Variants in CCSAP observed in about 807,000 individuals in gnomAD.
CCSAP encodes the protein centriole, cilia and spindle-associated protein.
In CCSAP, 17 loss-of-function variants were observed where a neutral mutation model predicts 25.9. That is an observed-to-expected ratio of 0.66 (90% CI 0.45 to 0.99). The LOEUF is 0.99. Ranked by LOEUF, CCSAP falls within the 50% of genes least tolerant of loss-of-function variation. The pLI is 0.00. For missense variants in CCSAP, 339 were observed against 367.8 expected (o/e 0.92, Z 0.64); for synonymous variants, 169 against 157.1 (o/e 1.08, Z -0.57).
intron 2 of CCSAP, among the ~76,000 whole-genome samples, chr1:229,328,024 C>A (rs183269964): frequency 1.3e-5 from 2 of 152,286 alleles, no homozygotes; most frequent in Admixed American, 6.5e-5. Context: ...CTAAGGGGAA[C>A]CTCAGATAGC....
At position 229,323,677 on chromosome 1, in the gene CCSAP, A is replaced by G. The variant is rs1657877330; in HGVS notation, c.*1558T>C. 6.6e-6 allele frequency: 1 copy of G among 152,254 alleles called. No individual in the cohort carries two copies. The highest frequency in any genetic ancestry group is 1.5e-5 in the Non-Finnish European group (1 of 68,046). 9.4% of individuals were successfully genotyped at this position (152,254 alleles called of 1,614,324 possible). On this transcript the variant is annotated 3_prime_UTR_variant, in exon 4 of 4. Transcript: ENST00000284617. The stretch of plus-strand genomic sequence containing the variant: ...GAGAGATCTGTAAGGAAACAAATTC[A>G]CCTCAAAACTATGCAAATATTTAAA...
chr1:229,336,208 T>A (rs1005532937), intron 2 of CCSAP, among the ~76,000 whole-genome samples: 2 of 150,658 alleles, frequency 1.3e-5, no homozygotes, highest in Non-Finnish European at 2.9e-5. Flanking sequence ...ATTTTCAAGG[T>A]AATTTTGTTA....
rs192740107 is a variant in CCSAP, at chr1:229,324,033, C to T, written c.*1202G>A. The T allele has an allele frequency of 6.5e-6, 1 of 152,724 alleles. No individual in the cohort carries two copies. Among genetic ancestry groups the T allele is most frequent in the Middle Eastern group, 3.4e-3 (1 of 294 alleles). The allele number at this position is 152,724 out of a possible 1,614,324, so 9.5% of individuals were successfully genotyped here. On this transcript the variant is annotated 3_prime_UTR_variant, in exon 4 of 4. Coordinates refer to ENST00000284617, the MANE Select transcript of CCSAP (RefSeq NM_145257.5). ...TAAAACCATTTTTCTACCCCCAAAG[C>T]AAACATACTAAAGAGAAGGAGCACT...
chr1:229,342,593 C>A lies in CCSAP; in HGVS notation c.-48-80G>T. 1.7e-6 allele frequency: 1 copy of A among 586,170 alleles called. No individual in the cohort carries two copies. The highest frequency in any genetic ancestry group is 2.5e-6 in the Non-Finnish European group (1 of 400,500). The allele number at this position is 586,170 out of a possible 1,614,324, so 36.3% of individuals were successfully genotyped here. On this transcript the variant is annotated intron_variant, in intron 1 of 3. Transcript: ENST00000284617. The surrounding 1 kb of genome is among the most constrained non-coding windows in gnomAD (Gnocchi z 7.5). ...CCGCCGCGACGTTTAAACCCGGAGCCCCGCCCGGACGGGAGCAGGGGGCGG... is the reference window on the plus strand; with the variant it reads ...CCGCCGCGACGTTTAAACCCGGAGCACCGCCCGGACGGGAGCAGGGGGCGG...
At chr1:229,328,280 GCT>G (rs1657993206) in intron 2 of CCSAP, among the ~76,000 whole-genome samples, 1 of 151,976 alleles carries the variant, frequency 6.6e-6, no homozygotes, top group Non-Finnish European at 1.5e-5. Flanking sequence ...CCAGAGTTTT[GCT>G]CTCAGTCATG....
At chr1:229,334,291 T>C (rs556672708) in intron 2 of CCSAP, among the ~76,000 whole-genome samples, 1 of 152,342 alleles carries the variant, frequency 6.6e-6, no homozygotes, top group East Asian at 1.9e-4. Flanking sequence ...GGCTGGAATA[T>C]ATGTTTTCTT....
intron 2 of CCSAP, among the ~76,000 whole-genome samples, chr1:229,330,802 G>A (rs975609982): frequency 2.7e-5 from 4 of 148,944 alleles, no homozygotes; most frequent in African/African-American, 1.0e-4. Flanking sequence ...CCGAGATCGT[G>A]CCACTGCACT....
At chr1:229,330,372 G>T (rs1274762928) in intron 2 of CCSAP, among the ~76,000 whole-genome samples, 1 of 152,190 alleles carries the variant, frequency 6.6e-6, no homozygotes, top group East Asian at 1.9e-4. Flanking sequence ...CTCCTGGTGT[G>T]GACCAAGTCA....
chr1:229,342,155 TG>T lies in CCSAP; in HGVS notation c.310del (p.Gln104ArgfsTer23). ...CTCCGCGTCCCCGGCCTCCGCGTCC[TG>T]CTCCTCCGGGGCCCCGCGCGCCCGC... The part of the protein sequence containing the change: ...ERRARGAPEE[Q>X]DAEAGDAEAE... On this transcript the variant is annotated frameshift_variant, in exon 2 of 4. Transcript: ENST00000284617. LOFTEE classifies it high-confidence loss of function. The surrounding 1 kb of genome is among the most constrained non-coding windows in gnomAD (Gnocchi z 7.5). 1 of 1,317,242 alleles carries T rather than the reference TG, an allele frequency of 7.6e-7. No individual in the cohort carries two copies. 81.6% of individuals were successfully genotyped at this position (1,317,242 alleles called of 1,614,324 possible).
At chr1:229,333,426 C>CCG (rs1658127447) in intron 2 of CCSAP, among the ~76,000 whole-genome samples, 1 of 111,326 alleles carries the variant, frequency 9.0e-6, no homozygotes, top group South Asian at 3.2e-4. Flanking sequence ...GAGCGAGACT[C>CCG]CATCGAAAAA....
chr1:229,337,678 A>AAAAAATATAT lies in CCSAP; in HGVS notation c.367+4420_367+4421insATATATTTTT. On this transcript the variant is annotated intron_variant, in intron 2 of 3. Transcript: ENST00000284617. Reference sequence around the variant, plus strand: ...GAACAAGATCAAAGGCTCAAAAAAAAATATATATATATATATATATACACA... The same window carrying AAAAAATATAT: ...GAACAAGATCAAAGGCTCAAAAAAAAAAAAATATATATATATATATATATATATATACACA... Among the ~76,000 whole-genome samples the AAAAAATATAT allele has an allele frequency of 5.8e-3, 379 of 65,472 alleles. 10 individuals carry two copies. The highest frequency in any genetic ancestry group is 7.9e-3 in the Non-Finnish European group (256 of 32,470). 43.0% of individuals were successfully genotyped at this position (65,472 alleles called of 152,430 possible).
chr1:229,333,431 G>GA (rs368401348), intron 2 of CCSAP, among the ~76,000 whole-genome samples: 2,599 of 69,852 alleles, frequency 0.037, 93 homozygotes, highest in East Asian at 0.098. Flanking sequence ...AGACTCCATC[G>GA]AAAAAAAAAA....
At chr1:229,333,236 T>G (rs902150003) in intron 2 of CCSAP, among the ~76,000 whole-genome samples, 6 of 151,588 alleles carry the variant, frequency 4.0e-5, no homozygotes, top group African/African-American at 1.5e-4. Flanking sequence ...ATAGAGACCA[T>G]CCTGGGTAAC....
In CCSAP at chr1:229,342,555, C is replaced by A; in HGVS notation, c.-48-42G>T. 1.1e-6 allele frequency: 1 copy of A among 893,390 alleles called. No homozygotes were observed. The highest frequency in any genetic ancestry group is 1.5e-6 in the Non-Finnish European group (1 of 677,080). 55.3% of individuals were successfully genotyped at this position (893,390 alleles called of 1,614,324 possible). A position where few individuals can be genotyped will look rare whatever the true frequency, so the allele number is the denominator to read the frequency against. ...ACGACACAGAGGCCGCCCCGCCCCT[C>A]CGCCGGCCCTGCCCGCCGCGACGTT... On this transcript the variant is annotated intron_variant, in intron 1 of 3. Coordinates refer to ENST00000284617, the MANE Select transcript of CCSAP (RefSeq NM_145257.5). The surrounding 1 kb of genome is among the most constrained non-coding windows in gnomAD (Gnocchi z 7.5).
chr1:229,339,765 G>A (rs952795478), intron 2 of CCSAP, among the ~76,000 whole-genome samples: 2 of 152,150 alleles, frequency 1.3e-5, no homozygotes, highest in African/African-American at 2.4e-5. Context: ...AAAGAAAAAA[G>A]GGAATCATGG....
intron 2 of CCSAP, among the ~76,000 whole-genome samples, chr1:229,334,089 G>A (rs1194474183): frequency 6.6e-6 from 1 of 151,032 alleles, no homozygotes; most frequent in Non-Finnish European, 1.5e-5. Flanking sequence ...TGTTTGTTTT[G>A]AGAAACAGTC....
rs989745878 is a variant in CCSAP at position 229,324,039 on chromosome 1, T to C, written c.*1196A>G. 4 of 152,578 alleles carry C rather than the reference T, an allele frequency of 2.6e-5. No homozygotes were observed. The highest frequency in any genetic ancestry group is 5.9e-5 in the Non-Finnish European group (4 of 68,030). The allele number at this position is 152,578 out of a possible 1,614,324, so 9.5% of individuals were successfully genotyped here. On this transcript the variant is annotated 3_prime_UTR_variant, in exon 4 of 4. Transcript: ENST00000284617. ...CATTTTTCTACCCCCAAAGCAAACA[T>C]ACTAAAGAGAAGGAGCACTATTTAC...
chr1:229,330,056 A>G (rs192560548), intron 2 of CCSAP, among the ~76,000 whole-genome samples: 38 of 144,890 alleles, frequency 2.6e-4, no homozygotes, highest in African/African-American at 1.1e-3. Flanking sequence ...GCAACACTGC[A>G]TCAGACTGAC....
At chr1:229,329,802 C>T (rs1658028208) in intron 2 of CCSAP, among the ~76,000 whole-genome samples, 1 of 152,038 alleles carries the variant, frequency 6.6e-6, no homozygotes, top group Non-Finnish European at 1.5e-5. Flanking sequence ...ACCAGCCTGA[C>T]CAATATGGTA....
Sources: gnomAD v4.1 joint callset for allele counts (sites outside exome capture counted in the v4.1 genomes callset) on GRCh38, gnomAD v4.1.1 for gene constraint, Gnocchi (gnomAD v3.1) non-coding constraint, MANE v1.5 for transcripts, NCBI Gene and HGNC (gene_info 2026-07-23, HGNC 2026-07-21) for gene names.